Variants in DTD1 observed in about 807,000 individuals in gnomAD.
DTD1 encodes D-aminoacyl-tRNA deacylase 1.
A neutral mutation model predicts 25.6 loss-of-function variants in DTD1; 13 were observed. The ratio of observed to expected loss-of-function variants is 0.51; its 90% CI spans 0.33 to 0.81. The LOEUF (loss-of-function observed/expected upper bound fraction) is 0.81, where lower values mean the gene tolerates loss of function less well. Among genes scored for constraint, DTD1 ranks in the 30% least tolerant of loss-of-function variants. DTD1 has a pLI of 0.02. For missense variants in DTD1, 193 were observed against 266.4 expected, an observed-to-expected ratio of 0.72 and a Z score of 1.92; for synonymous variants, 110 against 103.6, an observed-to-expected ratio of 1.06 and a Z score of -0.37.
chr20:18,669,510 C>G (rs1012845303), intron 4 of DTD1, among the ~76,000 whole-genome samples: 3 of 152,188 alleles, frequency 2.0e-5, no homozygotes, highest in Non-Finnish European at 2.9e-5. Context: ...GGATCTACCC[C>G]CTTTTCCTTG....
At chr20:18,677,126 T>C (rs1453663794) in intron 4 of DTD1, among the ~76,000 whole-genome samples, 1 of 152,230 alleles carries the variant, frequency 6.6e-6, no homozygotes, top group Non-Finnish European at 1.5e-5. Context: ...TTTTCTTATT[T>C]GACGCTTTTG....
At chr20:18,682,920 G>A (rs1237025398) in intron 4 of DTD1, among the ~76,000 whole-genome samples, 1 of 152,214 alleles carries the variant, frequency 6.6e-6, no homozygotes, top group South Asian at 2.1e-4. Flanking sequence ...GCAAGCCATG[G>A]CTACTGCCCA....
intron 4 of DTD1, among the ~76,000 whole-genome samples, chr20:18,641,189 T>C (rs1001383611): frequency 6.6e-6 from 1 of 152,220 alleles, no homozygotes; most frequent in African/African-American, 2.4e-5. Context: ...AGTTTTCTTT[T>C]TATGGCCACA....
chr20:18,656,210 C>T (rs1031361909), intron 4 of DTD1, among the ~76,000 whole-genome samples: 5 of 152,118 alleles, frequency 3.3e-5, no homozygotes, highest in African/African-American at 9.7e-5. Context: ...TTTCTTTCTT[C>T]TCTACAAATA....
At chr20:18,631,339 G>T (rs2060786898) in intron 4 of DTD1, 1 of 985,198 alleles carries the variant, frequency 1.0e-6, no homozygotes, top group Admixed American at 6.1e-5. Context: ...GGGCCCCTCT[G>T]AAGATGGGGC....
chr20:18,755,445 G>A (rs930025450), intron 5 of DTD1, among the ~76,000 whole-genome samples: 5 of 152,006 alleles, frequency 3.3e-5, no homozygotes, highest in African/African-American at 1.2e-4. Context: ...ACAGGCCCCA[G>A]TGTGTGATGT....
chr20:18,741,974 A>G (rs2061280186), intron 4 of DTD1, among the ~76,000 whole-genome samples: 1 of 150,910 alleles, frequency 6.6e-6, no homozygotes, highest in African/African-American at 2.5e-5. Context: ...CCTGAGCCCA[A>G]GCAGTCGCCC....
chr20:18,675,009 T>C (rs1258130510), intron 4 of DTD1: 1 of 152,274 alleles, frequency 6.6e-6, no homozygotes, highest in Non-Finnish European at 1.5e-5. Context: ...ATTTGGACCA[T>C]TGAGCCCAGG....
chr20:18,704,618 T>C (rs529133258), intron 4 of DTD1, among the ~76,000 whole-genome samples: 1 of 152,262 alleles, frequency 6.6e-6, no homozygotes, highest in Non-Finnish European at 1.5e-5. Flanking sequence ...TTTGCACCTT[T>C]GGGGGCATTT....
At chr20:18,689,787 C>A (rs573391092) in intron 4 of DTD1, among the ~76,000 whole-genome samples, 3 of 151,972 alleles carry the variant, frequency 2.0e-5, no homozygotes, top group Non-Finnish European at 4.4e-5. Context: ...AATGAGCACT[C>A]TAAATGCAGT....
At chr20:18,741,919 T>G (rs2061279929) in intron 4 of DTD1, among the ~76,000 whole-genome samples, 1 of 120,896 alleles carries the variant, frequency 8.3e-6, no homozygotes, top group Admixed American at 8.6e-5. Context: ...TTTTTTTTTT[T>G]GTAGAGACAG....
At chr20:18,666,989 C>G (rs1006498182) in intron 4 of DTD1, among the ~76,000 whole-genome samples, 1 of 152,126 alleles carries the variant, frequency 6.6e-6, no homozygotes, top group African/African-American at 2.4e-5. Context: ...CCCCAGGTGA[C>G]TAAAGCAGCA....
chr20:18,708,242 AT>A lies in DTD1; in HGVS notation c.478-35857del, dbSNP rs2061137667. 5.0e-4 allele frequency among the ~76,000 whole-genome samples: 16 copies of A among 31,694 alleles called. No homozygotes were observed. The East Asian group carries it at 0.013, about 27-fold the overall frequency. 20.8% of individuals were successfully genotyped at this position (31,694 alleles called of 152,430 possible). A position where few individuals can be genotyped will look rare whatever the true frequency, so the allele number is the denominator to read the frequency against. On this transcript the variant is annotated intron_variant, in intron 4 of 5. Transcript: ENST00000377452. ...TAATATATATATATTTTATATATAT[AT>A]AATATATATTATATATATATTTTAT...
chr20:18,647,733 A>G (rs1055628256), intron 4 of DTD1, among the ~76,000 whole-genome samples: 8 of 152,146 alleles, frequency 5.3e-5, no homozygotes, highest in South Asian at 4.1e-4. Context: ...GGCGGTGGGC[A>G]GTGGGCAGCC....
At chr20:18,709,302 G>T (rs903391829) in intron 4 of DTD1, among the ~76,000 whole-genome samples, 1 of 152,110 alleles carries the variant, frequency 6.6e-6, no homozygotes, top group Non-Finnish European at 1.5e-5. Flanking sequence ...AATCAATGTG[G>T]TATGTACCTA....
At chr20:18,610,203 G>A (rs916298766) in intron 3 of DTD1, among the ~76,000 whole-genome samples, 5 of 152,168 alleles carry the variant, frequency 3.3e-5, no homozygotes, top group African/African-American at 4.8e-5. Flanking sequence ...TTCAGTCTGC[G>A]TTTTTAAAGA....
intron 3 of DTD1, among the ~76,000 whole-genome samples, chr20:18,621,841 G>A (rs1465306785): frequency 6.6e-6 from 1 of 152,128 alleles, no homozygotes; most frequent in African/African-American, 2.4e-5. Flanking sequence ...AAGGCAGGCG[G>A]ATCACAAGGT....
intron 5 of DTD1, among the ~76,000 whole-genome samples, chr20:18,744,915 A>G (rs1239520471): frequency 6.6e-6 from 1 of 152,214 alleles, no homozygotes; most frequent in Non-Finnish European, 1.5e-5. Flanking sequence ...ATTCATTGAG[A>G]TGCAGGAGGG....
At chr20:18,645,156 A>G (rs1252343652) in intron 4 of DTD1, among the ~76,000 whole-genome samples, 1 of 152,196 alleles carries the variant, frequency 6.6e-6, no homozygotes, top group East Asian at 1.9e-4. Flanking sequence ...TCTGTAAATC[A>G]ACCGATCAAT....
Sources: gnomAD v4.1 joint callset for allele counts (sites outside exome capture counted in the v4.1 genomes callset) on GRCh38, gnomAD v4.1.1 for gene constraint, MANE v1.5 for transcripts, NCBI Gene and HGNC (gene_info 2026-07-23, HGNC 2026-07-21) for gene names.